Variants in SEPTIN7 observed in about 807,000 individuals in gnomAD.
SEPTIN7 encodes the protein septin 7.
In SEPTIN7, 10 loss-of-function variants were observed where a neutral mutation model predicts 63.3. The observed-to-expected ratio is 0.16, with a 90% CI of 0.10 to 0.27. The LOEUF is 0.27. Among genes scored for constraint, SEPTIN7 ranks in the 10% least tolerant of loss-of-function variants. SEPTIN7 has a pLI of 1.00. For missense variants in SEPTIN7, 310 were observed against 521.0 expected, an observed-to-expected ratio of 0.59 and a Z score of 3.94; for synonymous variants, 131 against 165.3, an observed-to-expected ratio of 0.79 and a Z score of 1.59.
At chr7:35,911,178 C>T (rs757382553), downstream of SEPTIN7, among the ~76,000 whole-genome samples, 12 of 152,226 alleles carry the variant, frequency 7.9e-5, no homozygotes, top group East Asian at 3.8e-4. Context: ...GCAGGACAAC[C>T]AGTCACAATG....
chr7:35,841,411 T>C (rs1348075759), intron 3 of SEPTIN7, among the ~76,000 whole-genome samples: 3 of 152,348 alleles, frequency 2.0e-5, no homozygotes, highest in African/African-American at 7.2e-5. Flanking sequence ...CTCATACATA[T>C]ACTATCCTAA....
At chr7:35,801,910 G>T (rs1323100622) in intron 1 of SEPTIN7, among the ~76,000 whole-genome samples, 3 of 152,188 alleles carry the variant, frequency 2.0e-5, no homozygotes, top group Non-Finnish European at 4.4e-5. Context: ...GCCTCTCGGG[G>T]TTGCCTCTCT....
downstream of SEPTIN7, among the ~76,000 whole-genome samples, chr7:35,908,047 C>T (rs1346090844): frequency 2.6e-5 from 4 of 152,110 alleles, no homozygotes; most frequent in Non-Finnish European, 1.5e-5. Context: ...CTTCTTTGTG[C>T]ACAGAGATAG....
chr7:35,843,488 T>C (rs1015134024), intron 3 of SEPTIN7, among the ~76,000 whole-genome samples: 32 of 152,272 alleles, frequency 2.1e-4, no homozygotes, highest in African/African-American at 7.2e-4. Context: ...GGAAGAAATA[T>C]GGAAAAGATA....
In SEPTIN7 at chr7:35,890,753, A is replaced by C; in HGVS notation, c.958A>C (p.Asn320His). 1.3e-6 allele frequency: 2 copies of C among 1,595,738 alleles called. No individual in the cohort carries two copies. The highest frequency in any genetic ancestry group is 1.1e-5 in the South Asian group (1 of 88,042). Reference sequence around the variant, plus strand: ...CAGAAAACTTGCAGCTGTGACTTATAATGGAGTTGATAACAACAAGAATAA... The same window carrying C: ...CAGAAAACTTGCAGCTGTGACTTATCATGGAGTTGATAACAACAAGAATAA... ...RSRKLAAVTY[N>H]GVDNNKNKGQ... The change falls in exon 11 of 14, where the codon AAT (asparagine) becomes CAT (histidine). Residue 320 changes from asparagine to histidine, a missense_variant. Asn to His is a moderately conservative substitution (Grantham distance 68). Coordinates refer to ENST00000350320, the MANE Select transcript of SEPTIN7 (RefSeq NM_001788.6).
intron 1 of SEPTIN7, among the ~76,000 whole-genome samples, chr7:35,805,471 A>G (rs1210611516): frequency 6.6e-6 from 1 of 152,154 alleles, no homozygotes; most frequent in Non-Finnish European, 1.5e-5. Flanking sequence ...TGTGCTCTCA[A>G]TTTGTGTTTC....
At chr7:35,872,626 T>C in intron 4 of SEPTIN7, 40 bp from the exon 5 acceptor site, 1 of 1,437,748 alleles carries the variant, frequency 7.0e-7, no homozygotes, top group South Asian at 1.1e-5. Context: ...ATCACTGATG[T>C]AATGTATGAT....
intron 1 of SEPTIN7, 33 bp downstream of exon 1, chr7:35,801,303 G>A: frequency 6.6e-7 from 1 of 1,516,534 alleles, no homozygotes. Flanking sequence ...GCGACTTGGG[G>A]TCAGCGGCTC....
chr7:35,826,745 A>T (rs936038571), intron 1 of SEPTIN7, among the ~76,000 whole-genome samples: 10 of 152,112 alleles, frequency 6.6e-5, no homozygotes, highest in Admixed American at 1.3e-4. Context: ...AGCATATTTA[A>T]TAGTTTTCAA....
At chr7:35,809,074 A>G (rs1788537973) in intron 1 of SEPTIN7, among the ~76,000 whole-genome samples, 1 of 152,374 alleles carries the variant, frequency 6.6e-6, no homozygotes, top group East Asian at 1.9e-4. Context: ...AGTATTGGTA[A>G]TATTGCTGTT....
chr7:35,891,182 A>G (rs1343894977), intron 11 of SEPTIN7, among the ~76,000 whole-genome samples: 1 of 152,164 alleles, frequency 6.6e-6, no homozygotes, highest in African/African-American at 2.4e-5. Flanking sequence ...TTATATCTCA[A>G]GCTGTGGTGG....
intron 1 of SEPTIN7, among the ~76,000 whole-genome samples, chr7:35,809,207 AT>A (rs1000958485): frequency 3.9e-5 from 6 of 152,220 alleles, no homozygotes; most frequent in African/African-American, 1.2e-4. Flanking sequence ...AAATAGAGGC[AT>A]GGTGATTAAG....
intron 3 of SEPTIN7, among the ~76,000 whole-genome samples, chr7:35,842,039 G>A (rs1352295038): frequency 6.6e-6 from 1 of 152,146 alleles, no homozygotes; most frequent in African/African-American, 2.4e-5. Context: ...AAGGAGGTCA[G>A]AATTTCCCCC....
chr7:35,840,172 TC>T (rs1784337997), intron 3 of SEPTIN7, among the ~76,000 whole-genome samples: 1 of 56,686 alleles, frequency 1.8e-5, no homozygotes, highest in Non-Finnish European at 3.1e-5. Flanking sequence ...TCCTTCCTCC[TC>T]CCTCCCCCTC....
At chr7:35,801,779 C>T (rs1403230995) in intron 1 of SEPTIN7, among the ~76,000 whole-genome samples, 3 of 149,722 alleles carry the variant, frequency 2.0e-5, no homozygotes, top group Non-Finnish European at 3.0e-5. Context: ...TGGGCCAACC[C>T]GGGCGGGCGG....
chr7:35,897,709 C>T (rs1788036629), intron 11 of SEPTIN7, among the ~76,000 whole-genome samples: 1 of 152,024 alleles, frequency 6.6e-6, no homozygotes, highest in East Asian at 1.9e-4. Context: ...CATAAGGGGC[C>T]TAGAAATATT....
intron 1 of SEPTIN7, among the ~76,000 whole-genome samples, chr7:35,814,513 T>G (rs1261705592): frequency 6.6e-6 from 1 of 152,186 alleles, no homozygotes; most frequent in Non-Finnish European, 1.5e-5. Flanking sequence ...AGGTACTAGT[T>G]TTTTGTTGGA....
At chr7:35,813,498 C>G (rs1053287343) in intron 1 of SEPTIN7, among the ~76,000 whole-genome samples, 1 of 152,112 alleles carries the variant, frequency 6.6e-6, no homozygotes, top group Non-Finnish European at 1.5e-5. Flanking sequence ...GCTGGCCTCC[C>G]CAGTAGCTGG....
chr7:35,834,913 T>C (rs1784005471), intron 3 of SEPTIN7, among the ~76,000 whole-genome samples: 1 of 152,180 alleles, frequency 6.6e-6, no homozygotes, highest in South Asian at 2.1e-4. Flanking sequence ...GCTCCCACAT[T>C]ACGACAGTTC....
Sources: gnomAD v4.1 joint callset for allele counts (sites outside exome capture counted in the v4.1 genomes callset) on GRCh38, gnomAD v4.1.1 for gene constraint, MANE v1.5 for transcripts, NCBI Gene and HGNC (gene_info 2026-07-23, HGNC 2026-07-21) for gene names.